FAM76A: variants seen among roughly 807,000 people sequenced by gnomAD.
FAM76A encodes the protein family with sequence similarity 76 member A, also known as protein FAM76A.
In FAM76A, 32 loss-of-function variants were observed where a neutral mutation model predicts 46.2. The observed-to-expected ratio is 0.69, with a 90% confidence interval of 0.52 to 0.93. FAM76A has a LOEUF of 0.93. Ranked by LOEUF, FAM76A falls within the 40% of genes least tolerant of loss-of-function variation. FAM76A has a pLI of 0.00. For missense variants in FAM76A, 274 were observed against 361.5 expected, an observed-to-expected ratio of 0.76 and a Z score of 1.96; for synonymous variants, 137 against 127.0, an observed-to-expected ratio of 1.08 and a Z score of -0.53.
intron 4 of FAM76A, among the ~76,000 whole-genome samples, chr1:27,741,519 A>G (rs1458010942): frequency 1.3e-5 from 2 of 152,128 alleles, no homozygotes; most frequent in Non-Finnish European, 2.9e-5. Flanking sequence ...AATGTGTCTT[A>G]ATGCCTAAGG....
rs1425043057 is a variant in FAM76A at position 27,745,595 on chromosome 1, A to G, written c.512+784A>G. Among the ~76,000 whole-genome samples the G allele has an allele frequency of 7.2e-5, 11 of 152,190 alleles. No homozygotes were observed. In the East Asian group the frequency reaches 2.1e-3, roughly 29 times the overall value. ...TCCAAGAGTATGCAGTCTGGTAGGA[A>G]AGACAGACTTATAAACAGATGATCT... On this transcript the variant is annotated intron_variant, in intron 5 of 8. Transcript: ENST00000373954.
intron 4 of FAM76A, among the ~76,000 whole-genome samples, chr1:27,736,325 A>G (rs2088043780): frequency 6.6e-6 from 1 of 152,172 alleles, no homozygotes; most frequent in Non-Finnish European, 1.5e-5. Flanking sequence ...TCATCTCAAA[A>G]AAAAGGAAAG....
chr1:27,760,627 G>A lies in FAM76A; in HGVS notation c.*46G>A, dbSNP rs1571504824. 1 of 1,455,492 alleles carries A rather than the reference G, an allele frequency of 6.9e-7. No homozygotes were observed. Among genetic ancestry groups the A allele is most frequent in the East Asian group, 2.3e-5 (1 of 43,122 alleles). 90.2% of individuals were successfully genotyped at this position (1,455,492 alleles called of 1,614,324 possible). ...TAGCAACAGCAAATGGAGTTGTCCAGGGTTAGGGTTGGAGACCTGGCTGTT... is the reference window on the plus strand; with the variant it reads ...TAGCAACAGCAAATGGAGTTGTCCAAGGTTAGGGTTGGAGACCTGGCTGTT... On this transcript the variant is annotated 3_prime_UTR_variant, in exon 9 of 9. Coordinates refer to ENST00000373954, the MANE Select transcript of FAM76A (RefSeq NM_152660.3).
At chr1:27,751,574 G>A (rs934441590) in intron 6 of FAM76A, among the ~76,000 whole-genome samples, 6 of 148,970 alleles carry the variant, frequency 4.0e-5, no homozygotes, top group Non-Finnish European at 7.4e-5. Context: ...TCACGATCTT[G>A]GCTCACTGCA....
At chr1:27,731,861 G>T (rs916557809) in intron 2 of FAM76A, among the ~76,000 whole-genome samples, 3 of 152,088 alleles carry the variant, frequency 2.0e-5, no homozygotes, top group African/African-American at 4.8e-5. Flanking sequence ...TGCTTTTGTT[G>T]CCCAGGCTGG....
Position 27,734,192 on chromosome 1 carries a change from C to T in FAM76A, c.354+9C>T, listed in dbSNP as rs1469218366. The T allele has an allele frequency of 2.6e-6, 4 of 1,563,536 alleles. No individual in the cohort carries two copies. In the Admixed American group the frequency reaches 6.4e-5, roughly 25 times the overall value. ...AAGATGATAGAAAGAAGGTAAATCTCTGTTTTTCTTGATTTCTTTTTTTCC... is the reference window on the plus strand; with the variant it reads ...AAGATGATAGAAAGAAGGTAAATCTTTGTTTTTCTTGATTTCTTTTTTTCC... On this transcript the variant is annotated intron_variant, in intron 4 of 8. Coordinates refer to ENST00000373954, the MANE Select transcript of FAM76A (RefSeq NM_152660.3).
At chr1:27,757,579 G>A (rs1023343817) in intron 7 of FAM76A, among the ~76,000 whole-genome samples, 5 of 152,098 alleles carry the variant, frequency 3.3e-5, no homozygotes, top group Non-Finnish European at 7.4e-5. Context: ...ATGTTGGCCG[G>A]GCTGGTCTTG....
At chr1:27,727,934 A>C (rs1351280908) in intron 2 of FAM76A, among the ~76,000 whole-genome samples, 2 of 151,054 alleles carry the variant, frequency 1.3e-5, no homozygotes, top group Non-Finnish European at 2.9e-5. Flanking sequence ...CAGCCTCCCA[A>C]GTAGCTGAGA....
At chr1:27,749,562 C>T (rs1315626956) in intron 6 of FAM76A, among the ~76,000 whole-genome samples, 4 of 152,170 alleles carry the variant, frequency 2.6e-5, no homozygotes, top group African/African-American at 7.2e-5. Context: ...GACAGGGTTT[C>T]ACCATGTTGA....
At chr1:27,759,781 T>G (rs888425838) in intron 8 of FAM76A, 154 bp downstream of exon 8, 6 of 586,946 alleles carry the variant, frequency 1.0e-5, no homozygotes, top group East Asian at 3.3e-5. Flanking sequence ...TTTTTTTTGT[T>G]TTTTTTTTGA....
Position 27,734,172 on chromosome 1 carries a change from G to A in FAM76A, c.343G>A (p.Asp115Asn). 1.3e-6 allele frequency: 2 copies of A among 1,573,720 alleles called. No individual in the cohort carries two copies. Among genetic ancestry groups the A allele is most frequent in the Non-Finnish European group, 8.6e-7 (1 of 1,165,182 alleles). Residue 115 changes from aspartate to asparagine, a missense_variant, in exon 4 of 9, where the codon GAT (aspartate) becomes AAT (asparagine). By Grantham distance (23) the Asp-to-Asn change is conservative. Coordinates refer to ENST00000373954, the MANE Select transcript of FAM76A (RefSeq NM_152660.3). ...KQQCAFDRKD[D>N]RKKVDGKLLC... ...GCAGTGTGCATTTGACAGGAAAGATGATAGAAAGAAGGTAAATCTCTGTTT... is the reference window on the plus strand; with the variant it reads ...GCAGTGTGCATTTGACAGGAAAGATAATAGAAAGAAGGTAAATCTCTGTTT...
intron 4 of FAM76A, among the ~76,000 whole-genome samples, chr1:27,742,413 T>G (rs2088170284): frequency 6.6e-6 from 1 of 152,152 alleles, no homozygotes; most frequent in South Asian, 2.1e-4. Context: ...GAGTTACTTT[T>G]GCTCAAAGGA....
chr1:27,743,281 G>T (rs1412384171), intron 4 of FAM76A, among the ~76,000 whole-genome samples: 1 of 152,054 alleles, frequency 6.6e-6, no homozygotes, highest in African/African-American at 2.4e-5. Flanking sequence ...CTCCCTAGTA[G>T]CTGGGACTAC....
intron 7 of FAM76A, among the ~76,000 whole-genome samples, chr1:27,758,944 C>CT (rs2088460304): frequency 6.6e-6 from 1 of 152,122 alleles, no homozygotes; most frequent in Non-Finnish European, 1.5e-5. Flanking sequence ...CAAATAATCT[C>CT]TGTTATCTCA....
intron 2 of FAM76A, among the ~76,000 whole-genome samples, chr1:27,732,218 T>A (rs1365852337): frequency 6.6e-6 from 1 of 152,116 alleles, no homozygotes; most frequent in African/African-American, 2.4e-5. Flanking sequence ...TCGCTTGAGG[T>A]CAGGAGTTTG....
chr1:27,748,509 C>G (rs530312274), intron 5 of FAM76A, among the ~76,000 whole-genome samples: 1 of 136,778 alleles, frequency 7.3e-6, no homozygotes, highest in East Asian at 2.3e-4. Flanking sequence ...TCTCGCCAGG[C>G]TGGAGTGCAG....
rs1344405570 is a variant in FAM76A at position 27,750,283 on chromosome 1, G to A, written c.599+1129G>A. Among the ~76,000 whole-genome samples, 11 of 152,256 alleles carry A rather than the reference G, an allele frequency of 7.2e-5. No individual in the cohort carries two copies. In the East Asian group the frequency reaches 1.9e-3, roughly 27 times the overall value. ...GTTAACTTGCTTTCAGACTCTACAA[G>A]GTTTTTAGAACTAGTTTCACTGATT... On this transcript the variant is annotated intron_variant, in intron 6 of 8. Transcript: ENST00000373954.
At chr1:27,726,404 G>C (rs1419881485) in intron 1 of FAM76A, among the ~76,000 whole-genome samples, 2 of 152,154 alleles carry the variant, frequency 1.3e-5, no homozygotes, top group African/African-American at 2.4e-5. Flanking sequence ...CTCGGACCCC[G>C]TGAGGTCGGG....
Position 27,727,509 on chromosome 1 carries a change from A to G in FAM76A, c.119A>G (p.Tyr40Cys). The change falls in exon 2 of 9, where the codon TAC becomes TGC. Residue 40 changes from tyrosine to cysteine, a missense_variant. By Grantham distance (194) the Tyr-to-Cys change is radical. Coordinates refer to ENST00000373954, the MANE Select transcript of FAM76A (RefSeq NM_152660.3). ...RIAHPVVKCT[Y>C]CRTEYQQESK... The stretch of plus-strand genomic sequence containing the variant: ...GCACACCCTGTTGTGAAGTGCACCT[A>G]CTGCAGGACTGAGTACCAGCAGGAG... 1 of 1,613,782 alleles carries G rather than the reference A, an allele frequency of 6.2e-7. No individual in the cohort carries two copies. Among genetic ancestry groups the G allele is most frequent in the Non-Finnish European group, 8.5e-7 (1 of 1,179,724 alleles).
Sources: gnomAD v4.1 joint callset for allele counts (sites outside exome capture counted in the v4.1 genomes callset) on GRCh38, gnomAD v4.1.1 for gene constraint, MANE v1.5 for transcripts, NCBI Gene and HGNC (gene_info 2026-07-23, HGNC 2026-07-21) for gene names.